Variants in ROBO2 observed in about 807,000 individuals in gnomAD.
ROBO2 encodes the protein roundabout homolog 2.
Under a neutral mutation model 160.8 loss-of-function variants are expected in ROBO2, and 53 were observed. The observed-to-expected ratio is 0.33, with a 90% CI of 0.26 to 0.41. ROBO2 has a LOEUF of 0.41. Among genes scored for constraint, ROBO2 ranks in the 10% least tolerant of loss-of-function variants. The pLI, the probability that ROBO2 is intolerant of heterozygous loss-of-function variation, is 1.00. For missense variants in ROBO2, 1,577 were observed against 1,722.4 expected (o/e 0.92, Z 1.49); for synonymous variants, 664 against 611.7 (o/e 1.09, Z -1.26).
At chr3:76,497,894 C>T (rs530971886) in intron 2 of ROBO2, among the ~76,000 whole-genome samples, 9 of 152,350 alleles carry the variant, frequency 5.9e-5, no homozygotes, top group African/African-American at 2.2e-4. Context: ...GCATTCCCAG[C>T]CTGCTGGCCT....
At chr3:76,600,003 C>T (rs1308257617) in intron 2 of ROBO2, among the ~76,000 whole-genome samples, 3 of 152,200 alleles carry the variant, frequency 2.0e-5, no homozygotes, top group African/African-American at 7.2e-5. Flanking sequence ...TTTCTGTTTA[C>T]TCTGTTGATA....
chr3:76,486,373 T>A (rs1482758742), intron 2 of ROBO2, among the ~76,000 whole-genome samples: 1 of 152,120 alleles, frequency 6.6e-6, no homozygotes, highest in Non-Finnish European at 1.5e-5. Flanking sequence ...TAATGCTCGG[T>A]GGTTACGCAG....
At chr3:77,001,854 C>T (rs2061350545) in intron 2 of ROBO2, among the ~76,000 whole-genome samples, 1 of 152,128 alleles carries the variant, frequency 6.6e-6, no homozygotes, top group East Asian at 1.9e-4. Flanking sequence ...GTGTGACCAT[C>T]TGCTTAGAAT....
chr3:75,907,589 T>A (rs762144813), intron 1 of ROBO2, among the ~76,000 whole-genome samples: 2 of 152,186 alleles, frequency 1.3e-5, no homozygotes, highest in Non-Finnish European at 2.9e-5. Context: ...CTCCTCTTTA[T>A]CCTTTGTTGC....
intron 2 of ROBO2, among the ~76,000 whole-genome samples, chr3:76,924,328 GATT>G (rs1166667964): frequency 6.6e-6 from 1 of 152,132 alleles, no homozygotes; most frequent in Middle Eastern, 3.2e-3. Flanking sequence ...TCATGAATGA[GATT>G]ATTATTTTCT....
chr3:77,581,879 C>T (rs1559659763), intron 16 of ROBO2, among the ~76,000 whole-genome samples: 2 of 151,988 alleles, frequency 1.3e-5, no homozygotes, highest in Admixed American at 6.6e-5. Context: ...TGTATTTCCC[C>T]CTTTCATCTA....
At chr3:76,088,693 C>T (rs2069111734) in intron 2 of ROBO2, among the ~76,000 whole-genome samples, 1 of 151,856 alleles carries the variant, frequency 6.6e-6, no homozygotes, top group South Asian at 2.1e-4. Flanking sequence ...TACAGTTTAT[C>T]AAAATTTGTG....
At chr3:76,685,040 A>G (rs2092654403) in intron 2 of ROBO2, among the ~76,000 whole-genome samples, 1 of 151,738 alleles carries the variant, frequency 6.6e-6, no homozygotes, top group Admixed American at 6.7e-5. Flanking sequence ...CCCAGAAGGA[A>G]AAGTCTCTAC....
chr3:76,361,933 T>G (rs2075546970), intron 2 of ROBO2, among the ~76,000 whole-genome samples: 1 of 152,180 alleles, frequency 6.6e-6, no homozygotes, highest in African/African-American at 2.4e-5. Flanking sequence ...TTACTCCTTG[T>G]GCATAGATGT....
chr3:76,538,577 TG>T lies in ROBO2; in HGVS notation c.110-559436del, dbSNP rs2082644095. On this transcript the variant is annotated intron_variant, in intron 2 of 26. Transcript: ENST00000487694. ...TTGGACTATTGGTGTGAAAACCAAT[TG>T]TTTTTTCTTTTTCAAATTTATTTTA... Among the ~76,000 whole-genome samples the T allele has an allele frequency of 2.6e-5, 4 of 152,188 alleles. No individual in the cohort carries two copies. The South Asian group carries it at 8.3e-4, about 32-fold the overall frequency.
chr3:75,977,234 A>G (rs2065156721), intron 2 of ROBO2, among the ~76,000 whole-genome samples: 1 of 151,532 alleles, frequency 6.6e-6, no homozygotes, highest in African/African-American at 2.4e-5. Context: ...TAGACACTTG[A>G]TAGGTTCTGA....
At chr3:76,309,403 GT>G (rs1256342041) in intron 2 of ROBO2, among the ~76,000 whole-genome samples, 1 of 152,034 alleles carries the variant, frequency 6.6e-6, no homozygotes, top group Non-Finnish European at 1.5e-5. Flanking sequence ...GGTGATTATT[GT>G]TTCTAAACTA....
At chr3:77,402,261 G>T (rs1009633868) in intron 2 of ROBO2, among the ~76,000 whole-genome samples, 2 of 151,942 alleles carry the variant, frequency 1.3e-5, no homozygotes, top group South Asian at 4.2e-4. Context: ...ACAGGGAGGG[G>T]AACATCACAC....
intron 2 of ROBO2, among the ~76,000 whole-genome samples, chr3:75,995,527 G>A (rs1348991522): frequency 6.6e-6 from 1 of 152,138 alleles, no homozygotes; most frequent in African/African-American, 2.4e-5. Flanking sequence ...TGCTTGCAGG[G>A]GTGGAGCTCT....
intron 2 of ROBO2, among the ~76,000 whole-genome samples, chr3:76,242,413 A>G (rs1705346581): frequency 6.6e-6 from 1 of 152,204 alleles, no homozygotes; most frequent in African/African-American, 2.4e-5. Flanking sequence ...ATGTCAAAGT[A>G]GGACTATTGT....
chr3:76,411,522 C>A (rs554115007), intron 2 of ROBO2, among the ~76,000 whole-genome samples: 1 of 151,890 alleles, frequency 6.6e-6, no homozygotes, highest in South Asian at 2.1e-4. Flanking sequence ...TTCAACTGAA[C>A]CTCATTAAAG....
At chr3:76,611,192 A>AACTGGC (rs2088092457) in intron 2 of ROBO2, among the ~76,000 whole-genome samples, 1 of 152,090 alleles carries the variant, frequency 6.6e-6, no homozygotes. Flanking sequence ...CTCCATCTGG[A>AACTGGC]ACTGGCAGAT....
At chr3:76,573,589 A>G (rs2085090476) in intron 2 of ROBO2, among the ~76,000 whole-genome samples, 1 of 150,690 alleles carries the variant, frequency 6.6e-6, no homozygotes, top group Non-Finnish European at 1.5e-5. Flanking sequence ...ACATGATTCC[A>G]GAGATTTATT....
intron 2 of ROBO2, among the ~76,000 whole-genome samples, chr3:76,174,510 G>C (rs183302789): frequency 6.6e-6 from 1 of 152,282 alleles, no homozygotes; most frequent in African/African-American, 2.4e-5. Flanking sequence ...TTATGTTTAA[G>C]TATTTAATCC....
Sources: gnomAD v4.1 joint callset for allele counts (sites outside exome capture counted in the v4.1 genomes callset) on GRCh38, gnomAD v4.1.1 for gene constraint, MANE v1.5 for transcripts, NCBI Gene and HGNC (gene_info 2026-07-23, HGNC 2026-07-21) for gene names.